The following PLCB2 variants were observed in gnomAD, a reference collection of about 807,000 sequenced individuals.
The protein encoded by PLCB2 is phospholipase C beta 2.
A neutral mutation model predicts 141.7 loss-of-function variants in PLCB2; 115 were observed. The observed-to-expected ratio is 0.81, with a 90% confidence interval of 0.70 to 0.95. PLCB2 has a LOEUF of 0.95. PLCB2 is among the 40% of genes least tolerant of loss of function. The pLI, the probability that PLCB2 is intolerant of heterozygous loss-of-function variation, is 0.00. For synonymous variants in PLCB2, 603 were observed against 595.6 expected (o/e 1.01, Z -0.18); for missense variants, 1,403 against 1,541.1 (o/e 0.91, Z 1.50).
chr15:40,289,455 G>C lies in PLCB2; in HGVS notation c.3268-97C>G, dbSNP rs182576891. On this transcript the variant is annotated intron_variant, in intron 30 of 31. Coordinates refer to ENST00000260402, the MANE Select transcript of PLCB2 (RefSeq NM_004573.3). ...CCCAGCTAACTAGTTGTAAGACTTT[G>C]GGCAAATTCCTTAACATTAGGTAGT... 133 of 892,168 alleles carry C rather than the reference G, an allele frequency of 1.5e-4. No homozygotes were observed. The East Asian group carries it at 3.1e-3, about 21-fold the overall frequency. The allele number at this position is 892,168 out of a possible 1,614,324, so 55.3% of individuals were successfully genotyped here.
intron 22 of PLCB2, 72 bp from the exon 23 acceptor site, chr15:40,292,230 C>T (rs2039978636): frequency 7.9e-6 from 12 of 1,516,000 alleles, no homozygotes; most frequent in Non-Finnish European, 1.0e-5. Context: ...CTGTCCTCAC[C>T]CACTCCAGGA....
In PLCB2 at chr15:40,298,153, C is replaced by A; in HGVS notation, c.1155+70G>T. ...TCTTCTCTAGCTTCAGCCCTCCAACCCCTCAAAGCTTCTGGCCCAGAGCCC... is the reference window on the plus strand; with the variant it reads ...TCTTCTCTAGCTTCAGCCCTCCAACACCTCAAAGCTTCTGGCCCAGAGCCC... On this transcript the variant is annotated intron_variant, in intron 11 of 31. Coordinates refer to ENST00000260402, the MANE Select transcript of PLCB2 (RefSeq NM_004573.3). 7 of 1,470,568 alleles carry A rather than the reference C, an allele frequency of 4.8e-6. No homozygotes were observed. The South Asian group carries it at 9.4e-5, about 20-fold the overall frequency. 91.1% of individuals were successfully genotyped at this position (1,470,568 alleles called of 1,614,324 possible). A position where few individuals can be genotyped will look rare whatever the true frequency, so the allele number is the denominator to read the frequency against.
In PLCB2 at chr15:40,307,603, T is replaced by A; in HGVS notation, c.70A>T (p.Ile24Phe). 1 of 1,587,528 alleles carries A rather than the reference T, an allele frequency of 6.3e-7. No individual in the cohort carries two copies. Among genetic ancestry groups the A allele is most frequent in the Non-Finnish European group, 8.6e-7 (1 of 1,165,066 alleles). Residue 24 changes from isoleucine (I) to phenylalanine (F), a missense_variant, in exon 1 of 32, where the codon ATC (isoleucine) becomes TTC (phenylalanine). Ile to Phe is a conservative substitution (Grantham distance 21). Around this residue, in one of 4 missense-constraint regions of PLCB2, gnomAD observed 975 missense variants for 1,141.1 expected, o/e 0.85. Coordinates refer to ENST00000260402, the MANE Select transcript of PLCB2 (RefSeq NM_004573.3). The stretch of plus-strand genomic sequence containing the variant: ...GCCCCACTTACATCATCCCATTTGA[T>A]GAAGCGCTCCCCTTGGCTCAGATAG... ...KAYLSQGERF[I>F]KWDDETTVAS...
rs1466046017 is a variant in PLCB2 at position 40,303,849 on chromosome 15, AG to A, written c.162+151del. The A allele has an allele frequency of 4.5e-4, 267 of 592,466 alleles. 6 individuals are homozygous for A. The highest frequency in any genetic ancestry group is 4.5e-3 in the South Asian group (214 of 48,012). 36.7% of individuals were successfully genotyped at this position (592,466 alleles called of 1,614,324 possible). On this transcript the variant is annotated intron_variant, in intron 2 of 31. Coordinates refer to ENST00000260402, the MANE Select transcript of PLCB2 (RefSeq NM_004573.3). ...CTGCATCCTCCTTTCCAGAGCAAAG[AG>A]CCCCTGCCTACAGGGGAGCCTCTGG... is the stretch of plus-strand genomic sequence containing the variant.
At chr15:40,292,181 AC>A in intron 22 of PLCB2, 23 bp from the exon 23 acceptor site, 1 of 1,601,888 alleles carries the variant, frequency 6.2e-7, no homozygotes, top group Non-Finnish European at 8.6e-7. Flanking sequence ...ACAGGACATT[AC>A]AACATAGTGT....
Position 40,307,714 on chromosome 15 carries a change from G to T in PLCB2, c.-42C>A. The stretch of plus-strand genomic sequence containing the variant: ...CTTTGCAGAATCTCAGCAGACACAG[G>T]CAGGCAGAAGGGCAGGAAGGAGGCC... On this transcript the variant is annotated 5_prime_UTR_variant, in exon 1 of 32. Coordinates refer to ENST00000260402, the MANE Select transcript of PLCB2 (RefSeq NM_004573.3). 6.6e-7 allele frequency: 1 copy of T among 1,523,430 alleles called. No individual in the cohort carries two copies. Among genetic ancestry groups the T allele is most frequent in the Non-Finnish European group, 8.9e-7 (1 of 1,125,314 alleles). The allele number at this position is 1,523,430 out of a possible 1,614,324, so 94.4% of individuals were successfully genotyped here. A position where few individuals can be genotyped will look rare whatever the true frequency, so the allele number is the denominator to read the frequency against.
downstream of PLCB2, chr15:40,285,681 C>T (rs1410370648): frequency 6.1e-6 from 6 of 985,444 alleles, no homozygotes; most frequent in Non-Finnish European, 7.2e-6. Flanking sequence ...TATGACTCAA[C>T]TTCTCTTTTC....
chr15:40,307,666 G>C lies in PLCB2; in HGVS notation c.7C>G (p.Leu3Val), dbSNP rs777521897. Residue 3 changes from leucine to valine, a missense_variant, in exon 1 of 32, where the codon CTG becomes GTG. Leu to Val is a conservative substitution (Grantham distance 32). Transcript: ENST00000260402. ...GGGGGCAGCAGGACAGGGTTGAGCAGAGACATGGTGCCAAGCGTTCCTCTT... is the reference window on the plus strand; with the variant it reads ...GGGGGCAGCAGGACAGGGTTGAGCACAGACATGGTGCCAAGCGTTCCTCTT... MS[L>V]LNPVLLPPKV... is the part of the protein sequence containing the mutation. 2 of 1,563,060 alleles carry C rather than the reference G, an allele frequency of 1.3e-6. No individual in the cohort carries two copies. The highest frequency in any genetic ancestry group is 2.4e-5 in the East Asian group (1 of 41,174).
At position 40,298,841 on chromosome 15, in the gene PLCB2, G is replaced by T. The variant is rs201038193; in HGVS notation, c.807C>A (p.Gly269=). The part of the protein sequence containing the change: ...FPPARPDQVQ[G]LIDKYEPSGI... ...CACTGGGCTCATACTTGTCGATGAG[G>T]CCCTGCACCTGGTCAGGCCGTGCTG... is the stretch of plus-strand genomic sequence containing the variant. The change falls in exon 9 of 32, where the codon GGC becomes GGA. Residue 269 remains glycine, a synonymous_variant. Transcript: ENST00000260402. The T allele has an allele frequency of 6.2e-7, 1 of 1,613,650 alleles. No individual in the cohort carries two copies. Among genetic ancestry groups the T allele is most frequent in the African/African-American group, 1.3e-5 (1 of 74,936 alleles).
intron 25 of PLCB2, 29 bp from the exon 26 acceptor site, chr15:40,291,516 C>T (rs1405690251): frequency 1.3e-6 from 2 of 1,598,302 alleles, no homozygotes; most frequent in African/African-American, 1.3e-5. Flanking sequence ...GGCGCAACAC[C>T]GGCCAGGCCG....
intron 30 of PLCB2, 149 bp downstream of exon 30, chr15:40,289,876 G>A: frequency 1.4e-6 from 1 of 721,186 alleles, no homozygotes; most frequent in Non-Finnish European, 2.5e-6. Context: ...GCTAGGCAGT[G>A]CATCTCCTAA....
chr15:40,295,390 C>T (rs1414686630), intron 16 of PLCB2, 105 bp from the exon 17 acceptor site: 2 of 750,004 alleles, frequency 2.7e-6, no homozygotes, highest in African/African-American at 3.5e-5. Context: ...GAGATGCCTC[C>T]ACCCCAGCAT....
chr15:40,301,637 T>C (rs1595675928), intron 7 of PLCB2: 9 of 702,810 alleles, frequency 1.3e-5, no homozygotes, highest in Non-Finnish European at 1.8e-5. Flanking sequence ...CAGCTCCCAT[T>C]CCCAACACTA....
intron 2 of PLCB2, 61 bp downstream of exon 2, chr15:40,303,940 G>T: frequency 8.4e-7 from 1 of 1,185,274 alleles, no homozygotes. Context: ...GCAGCCAGGG[G>T]GCTGTCTGGC....
At chr15:40,284,645 T>C (rs1295758101), downstream of PLCB2, 1 of 439,658 alleles carries the variant, frequency 2.3e-6, no homozygotes, top group Non-Finnish European at 4.5e-6. Flanking sequence ...ATCGAGACCA[T>C]CCTGGCCAAC....
chr15:40,287,562 T>A (rs2039633640), downstream of PLCB2, among the ~76,000 whole-genome samples: 2 of 152,130 alleles, frequency 1.3e-5, no homozygotes, highest in African/African-American at 4.8e-5. Context: ...TAAAGGGGCC[T>A]AGATTGCCTA....
Position 40,288,444 on chromosome 15 carries a change from A to C in PLCB2, c.*271T>G, listed in dbSNP as rs1595620651. 5 of 1,207,206 alleles carry C rather than the reference A, an allele frequency of 4.1e-6. No individual in the cohort carries two copies. Among genetic ancestry groups the C allele is most frequent in the South Asian group, 7.6e-5 (2 of 26,430 alleles). The allele number at this position is 1,207,206 out of a possible 1,614,324, so 74.8% of individuals were successfully genotyped here. On this transcript the variant is annotated 3_prime_UTR_variant, in exon 32 of 32. Coordinates refer to ENST00000260402, the MANE Select transcript of PLCB2 (RefSeq NM_004573.3). ...TTCCAGTCCATAGTCTTTTGCCCTC[A>C]ACAAATATATGACACTTATCTAGAG...
intron 24 of PLCB2, 67 bp from the exon 25 acceptor site, chr15:40,291,717 A>G: frequency 6.2e-7 from 1 of 1,605,232 alleles, no homozygotes; most frequent in Non-Finnish European, 8.5e-7. Flanking sequence ...CGCCTCCTCC[A>G]CACCGCCCCC....
chr15:40,291,250 C>T lies in PLCB2; in HGVS notation c.2870+15G>A, dbSNP rs943277810. 4 of 1,572,328 alleles carry T rather than the reference C, an allele frequency of 2.5e-6. No homozygotes were observed. The highest frequency in any genetic ancestry group is 2.7e-5 in the African/African-American group (2 of 74,152). ...ACCCGCGCTGCAGAGGGCAGGGCAC[C>T]GCCACGAGCCTTACCTCTTCTTGCG... On this transcript the variant is annotated intron_variant, in intron 26 of 31. Transcript: ENST00000260402.
Sources: gnomAD v4.1 joint callset for allele counts (sites outside exome capture counted in the v4.1 genomes callset) on GRCh38, gnomAD v4.1.1 for gene constraint, gnomAD v4.1.1 regional missense constraint, MANE v1.5 for transcripts, NCBI Gene and HGNC (gene_info 2026-07-23, HGNC 2026-07-21) for gene names.